HSD17B8: variants seen among roughly 807,000 people sequenced by gnomAD.
HSD17B8 encodes the protein (3R)-3-hydroxyacyl-CoA dehydrogenase.
HSD17B8 carries 23 observed loss-of-function variants against 33.2 expected under a neutral mutation model. That is an observed-to-expected ratio of 0.69 (90% CI 0.50 to 0.98). The LOEUF (loss-of-function observed/expected upper bound fraction) is 0.98. Ranked by LOEUF, HSD17B8 falls within the 50% of genes least tolerant of loss-of-function variation. The probability of loss-of-function intolerance (pLI) is 0.00; values close to 1 mark genes in which losing one functional copy is unlikely to be tolerated. For missense variants in HSD17B8, 345 were observed against 347.5 expected (o/e 0.99, Z 0.06); for synonymous variants, 137 against 138.6 (o/e 0.99, Z 0.08).
Position 33,206,522 on chromosome 6 carries a change from A to C in HSD17B8, c.769+73A>C. ...ACTATATGAGAAAGCAAGTAAGGGG[A>C]GTCTGGAGCCACTGGGAAGGGCAGA... On this transcript the variant is annotated intron_variant, in intron 8 of 8. Coordinates refer to ENST00000374662, the MANE Select transcript of HSD17B8 (RefSeq NM_014234.5). This position sits in a 1 kb window ranked among gnomAD's most constrained non-coding sequence, Gnocchi z 6.2. 8 of 1,561,306 alleles carry C rather than the reference A, an allele frequency of 5.1e-6. 1 individual carries two copies. In the South Asian group the frequency reaches 8.9e-5, roughly 17 times the overall value.
Position 33,205,088 on chromosome 6 carries a change from G to A in HSD17B8, c.239G>A (p.Arg80Lys). 1.3e-6 allele frequency: 2 copies of A among 1,566,722 alleles called. No individual in the cohort carries two copies. Among genetic ancestry groups the A allele is most frequent in the South Asian group, 1.2e-5 (1 of 83,162 alleles). The change falls in exon 2 of 9, where the codon AGG (arginine) becomes AAG (lysine). Residue 80 changes from arginine to lysine, a missense_variant. Arg to Lys is a conservative substitution (Grantham distance 26, BLOSUM62 2). Transcript: ENST00000374662. This position sits in a 1 kb window ranked among gnomAD's most constrained non-coding sequence, Gnocchi z 5.0. ...TTCCAGGCTGACGTGTCTGAGGCCA[G>A]GGCCGCCAGGTGCCTGCTGGAACAA... ...AAFQADVSEA[R>K]AARCLLEQVQ... is the part of the protein sequence containing the mutation.
chr6:33,204,906 G>C lies in HSD17B8; in HGVS notation c.57G>C (p.Ala19=), dbSNP rs1036445906. ...LRSALALVTG[A]GSGIGRAVSV... The stretch of plus-strand genomic sequence containing the variant: ...GCGTGTTCTGTCCTACCTCAGGTGC[G>C]GGGAGCGGCATCGGCCGAGCGGTCA... Residue 19 remains alanine, a synonymous_variant, in exon 2 of 9, where the codon GCG becomes GCC. Coordinates refer to ENST00000374662, the MANE Select transcript of HSD17B8 (RefSeq NM_014234.5). 3.6e-5 allele frequency: 53 copies of C among 1,466,954 alleles called. No individual in the cohort carries two copies. The highest frequency in any genetic ancestry group is 4.5e-5 in the Non-Finnish European group (50 of 1,109,520). The allele number at this position is 1,466,954 out of a possible 1,614,324, so 90.9% of individuals were successfully genotyped here. A position where few individuals can be genotyped will look rare whatever the true frequency, so the allele number is the denominator to read the frequency against.
chr6:33,206,489 G>A lies in HSD17B8; in HGVS notation c.769+40G>A. On this transcript the variant is annotated intron_variant, in intron 8 of 8. Transcript: ENST00000374662. This position sits in a 1 kb window ranked among gnomAD's most constrained non-coding sequence, Gnocchi z 6.2. ...TGGGGAGGGAGAGGGCAGAGAAGTA[G>A]AACCCAGACTATATGAGAAAGCAAG... 6.3e-7 allele frequency: 1 copy of A among 1,588,924 alleles called. No individual in the cohort carries two copies. Among genetic ancestry groups the A allele is most frequent in the Non-Finnish European group, 8.6e-7 (1 of 1,157,254 alleles).
Position 33,205,614 on chromosome 6 carries a change from A to G in HSD17B8, c.481-26A>G. 6.2e-7 allele frequency: 1 copy of G among 1,612,580 alleles called. No individual in the cohort carries two copies. The highest frequency in any genetic ancestry group is 8.5e-7 in the Non-Finnish European group (1 of 1,179,554). On this transcript the variant is annotated intron_variant, in intron 4 of 8. Transcript: ENST00000374662. This position sits in a 1 kb window ranked among gnomAD's most constrained non-coding sequence, Gnocchi z 5.0. The stretch of plus-strand genomic sequence containing the variant: ...AACCCCTCCTTGAGACTCCTGACTC[A>G]TTCCACATCTCTGACTCACCTATAG...
chr6:33,205,524 T>C lies in HSD17B8; in HGVS notation c.465T>C (p.Ser155=). The change falls in exon 4 of 9, where the codon AGT becomes AGC. Residue 155 remains serine (S), a synonymous_variant. Transcript: ENST00000374662. The surrounding 1 kb of genome is among the most constrained non-coding windows in gnomAD (Gnocchi z 5.0). ...GTCGTGGTTCCATCATCAACATCAG[T>C]AGCATCGTAGGAAAGGTCAGGTTGA... ...NGCRGSIINI[S]SIVGKVGNVG... is the part of the protein sequence containing the mutation. The C allele has an allele frequency of 2.5e-6, 4 of 1,612,952 alleles. No individual in the cohort carries two copies. In the Middle Eastern group the frequency reaches 4.9e-4, roughly 200 times the overall value.
At position 33,206,678 on chromosome 6, in the gene HSD17B8, G is replaced by A. The variant is rs1263884275; in HGVS notation, c.*24G>A. 6.2e-7 allele frequency: 1 copy of A among 1,612,776 alleles called. No individual in the cohort carries two copies. The highest frequency in any genetic ancestry group is 8.5e-7 in the Non-Finnish European group (1 of 1,178,846). On this transcript the variant is annotated 3_prime_UTR_variant, in exon 9 of 9. Transcript: ENST00000374662. The surrounding 1 kb of genome is among the most constrained non-coding windows in gnomAD (Gnocchi z 6.2). ...AACTGCCTCAAGGACCCTGGACTCT[G>A]CTCACCCCCCCACCACTCTGCCTGG... is the stretch of plus-strand genomic sequence containing the variant.
Position 33,206,578 on chromosome 6 carries a change from C to T in HSD17B8, c.770-60C>T. ...CCAAGGCCAGGGACAGAAGTGGGTA[C>T]CCCCTAGCCCATTTGTGTCTCCACC... On this transcript the variant is annotated intron_variant, in intron 8 of 8. Transcript: ENST00000374662. The surrounding 1 kb of genome is among the most constrained non-coding windows in gnomAD (Gnocchi z 6.2). The T allele has an allele frequency of 6.3e-7, 1 of 1,595,920 alleles. No homozygotes were observed. Among genetic ancestry groups the T allele is most frequent in the Admixed American group, 1.7e-5 (1 of 59,962 alleles).
In HSD17B8 at chr6:33,205,607, C is replaced by T; in HGVS notation, c.481-33C>T. On this transcript the variant is annotated intron_variant, in intron 4 of 8. Transcript: ENST00000374662. This position sits in a 1 kb window ranked among gnomAD's most constrained non-coding sequence, Gnocchi z 5.0. ...AGAGGAGAACCCCTCCTTGAGACTC[C>T]TGACTCATTCCACATCTCTGACTCA... 6.2e-7 allele frequency: 1 copy of T among 1,611,778 alleles called. No homozygotes were observed. The highest frequency in any genetic ancestry group is 8.5e-7 in the Non-Finnish European group (1 of 1,178,852).
Position 33,204,909 on chromosome 6 carries a change from G to A in HSD17B8, c.60G>A (p.Gly20=), listed in dbSNP as rs956937028. 1.2e-5 allele frequency: 17 copies of A among 1,465,664 alleles called. No homozygotes were observed. Among genetic ancestry groups the A allele is most frequent in the African/African-American group, 4.2e-5 (3 of 70,700 alleles). The allele number at this position is 1,465,664 out of a possible 1,614,324, so 90.8% of individuals were successfully genotyped here. ...TGTTCTGTCCTACCTCAGGTGCGGG[G>A]AGCGGCATCGGCCGAGCGGTCAGTG... is the stretch of plus-strand genomic sequence containing the variant. ...RSALALVTGA[G]SGIGRAVSVR... The change falls in exon 2 of 9, where the codon GGG becomes GGA. Residue 20 remains glycine (G), a synonymous_variant. Transcript: ENST00000374662.
At position 33,206,314 on chromosome 6, in the gene HSD17B8, A is replaced by G; in HGVS notation, c.695-61A>G. On this transcript the variant is annotated intron_variant, in intron 7 of 8. Coordinates refer to ENST00000374662, the MANE Select transcript of HSD17B8 (RefSeq NM_014234.5). The surrounding 1 kb of genome is among the most constrained non-coding windows in gnomAD (Gnocchi z 6.2). ...GGAGGGATGTCTTTGGTGGGAGATT[A>G]TGGCTGTTTTGGGTCTATGGGAGTG... 1 of 1,569,156 alleles carries G rather than the reference A, an allele frequency of 6.4e-7. No homozygotes were observed. Among genetic ancestry groups the G allele is most frequent in the East Asian group, 2.2e-5 (1 of 44,642 alleles).
At position 33,205,827 on chromosome 6, in the gene HSD17B8, G is replaced by C; in HGVS notation, c.567-1G>C. Reference sequence around the variant, plus strand: ...ATCGGCAGCCACTCTCCTTCCCACAGACATGGGATCCGCTGTAACTCTGTC... The same window carrying C: ...ATCGGCAGCCACTCTCCTTCCCACACACATGGGATCCGCTGTAACTCTGTC... On this transcript the variant is annotated splice_acceptor_variant, in intron 5 of 8. Coordinates refer to ENST00000374662, the MANE Select transcript of HSD17B8 (RefSeq NM_014234.5). LOFTEE classifies it high-confidence loss of function. The surrounding 1 kb of genome is among the most constrained non-coding windows in gnomAD (Gnocchi z 5.0). The C allele has an allele frequency of 6.2e-7, 1 of 1,612,682 alleles. No homozygotes were observed. Among genetic ancestry groups the C allele is most frequent in the South Asian group, 1.1e-5 (1 of 91,078 alleles).
At position 33,206,760 on chromosome 6, in the gene HSD17B8, G is replaced by A. The variant is rs1219695430; in HGVS notation, c.*106G>A. 220 of 1,197,378 alleles carry A rather than the reference G, an allele frequency of 1.8e-4. 2 individuals are homozygous for A. The highest frequency in any genetic ancestry group is 9.9e-6 in the Non-Finnish European group (8 of 804,694). The allele number at this position is 1,197,378 out of a possible 1,614,324, so 74.2% of individuals were successfully genotyped here. A position where few individuals can be genotyped will look rare whatever the true frequency, so the allele number is the denominator to read the frequency against. On this transcript the variant is annotated 3_prime_UTR_variant, in exon 9 of 9. Coordinates refer to ENST00000374662, the MANE Select transcript of HSD17B8 (RefSeq NM_014234.5). This position sits in a 1 kb window ranked among gnomAD's most constrained non-coding sequence, Gnocchi z 6.2. ...GATACAAAAGGGGTGGCAGTGTATG[G>A]TTCAGGAATGCTGAATATGGGAAGC... is the stretch of plus-strand genomic sequence containing the variant.
Position 33,206,066 on chromosome 6 carries a change from G to T in HSD17B8, c.652-68G>T. On this transcript the variant is annotated intron_variant, in intron 6 of 8. Transcript: ENST00000374662. This position sits in a 1 kb window ranked among gnomAD's most constrained non-coding sequence, Gnocchi z 6.2. ...TGTATGAGAAATGAAGACAAAAAAGGGTCACAGACTCAGTCTTCAAAAAAA... is the reference window on the plus strand; with the variant it reads ...TGTATGAGAAATGAAGACAAAAAAGTGTCACAGACTCAGTCTTCAAAAAAA... The T allele has an allele frequency of 6.5e-7, 1 of 1,542,162 alleles. No individual in the cohort carries two copies. Among genetic ancestry groups the T allele is most frequent in the Non-Finnish European group, 8.9e-7 (1 of 1,123,102 alleles).
chr6:33,205,417 CT>C lies in HSD17B8; in HGVS notation c.388-26del. The C allele has an allele frequency of 2.5e-6, 4 of 1,610,828 alleles. No individual in the cohort carries two copies. The highest frequency in any genetic ancestry group is 3.4e-6 in the Non-Finnish European group (4 of 1,177,886). On this transcript the variant is annotated intron_variant, in intron 3 of 8. Coordinates refer to ENST00000374662, the MANE Select transcript of HSD17B8 (RefSeq NM_014234.5). This position sits in a 1 kb window ranked among gnomAD's most constrained non-coding sequence, Gnocchi z 5.0. ...GAGGAGGGCTGTCACCCCAGCTGAT[CT>C]TTTCTCCCTTGTTACCCTTTCCCGC... is the stretch of plus-strand genomic sequence containing the variant.
At position 33,205,880 on chromosome 6, in the gene HSD17B8, A is replaced by C. The variant is rs1455640796; in HGVS notation, c.619A>C (p.Thr207Pro). The change falls in exon 6 of 9, where the codon ACA becomes CCA. Residue 207 changes from threonine (T) to proline (P), a missense_variant. By Grantham distance (38) the Thr-to-Pro change is conservative (BLOSUM62 -1). Transcript: ENST00000374662. The surrounding 1 kb of genome is among the most constrained non-coding windows in gnomAD (Gnocchi z 5.0). ...VLPGFIATPM[T>P]QKVPQKVVDK... ...CCCAGGGTTCATTGCAACACCCATG[A>C]CACAGAAAGTGCCACAGAAAGTGGT... 1.3e-5 allele frequency: 21 copies of C among 1,612,868 alleles called. No homozygotes were observed. The South Asian group carries it at 1.9e-4, about 14-fold the overall frequency.
rs1392519722 is a variant in HSD17B8, at chr6:33,204,689, C to G, written c.21C>G (p.Asn7Lys). The G allele has an allele frequency of 2.5e-6, 4 of 1,610,118 alleles. No individual in the cohort carries two copies. Among genetic ancestry groups the G allele is most frequent in the Non-Finnish European group, 3.4e-6 (4 of 1,178,500 alleles). MASQLQ[N>K]RLRSALALVT... ...CCGCCATGGCGTCTCAGCTCCAGAACCGACTCCGCTCCGCACTGGCCTTGG... is the reference window on the plus strand; with the variant it reads ...CCGCCATGGCGTCTCAGCTCCAGAAGCGACTCCGCTCCGCACTGGCCTTGG... The change falls in exon 1 of 9, where the codon AAC becomes AAG. Residue 7 changes from asparagine (N) to lysine (K), a missense_variant. Coordinates refer to ENST00000374662, the MANE Select transcript of HSD17B8 (RefSeq NM_014234.5).
chr6:33,204,742 G>A (rs1201667519), intron 1 of HSD17B8, 22 bp downstream of exon 1: 2 of 1,612,798 alleles, frequency 1.2e-6, no homozygotes, highest in South Asian at 1.1e-5. Context: ...TCTTTCCCCG[G>A]GCGGTTTGGG....
Position 33,206,683 on chromosome 6 carries a change from C to G in HSD17B8, c.*29C>G, listed in dbSNP as rs367760363. ...CCTCAAGGACCCTGGACTCTGCTCACCCCCCCACCACTCTGCCTGGCCTCC... is the reference window on the plus strand; with the variant it reads ...CCTCAAGGACCCTGGACTCTGCTCAGCCCCCCACCACTCTGCCTGGCCTCC... On this transcript the variant is annotated 3_prime_UTR_variant, in exon 9 of 9. Coordinates refer to ENST00000374662, the MANE Select transcript of HSD17B8 (RefSeq NM_014234.5). This position sits in a 1 kb window ranked among gnomAD's most constrained non-coding sequence, Gnocchi z 6.2. The G allele has an allele frequency of 6.2e-7, 1 of 1,606,412 alleles. No homozygotes were observed. The highest frequency in any genetic ancestry group is 1.1e-5 in the South Asian group (1 of 90,952).
chr6:33,206,402 C>T lies in HSD17B8; in HGVS notation c.722C>T (p.Ala241Val). 3.1e-6 allele frequency: 5 copies of T among 1,613,954 alleles called. No homozygotes were observed. The highest frequency in any genetic ancestry group is 4.2e-6 in the Non-Finnish European group (5 of 1,180,000). ...EDVADVVAFL[A>V]SEDSGYITGT... Reference sequence around the variant, plus strand: ...GTGGCAGATGTGGTCGCATTCTTGGCATCTGAAGATAGTGGATACATCACA... The same window carrying T: ...GTGGCAGATGTGGTCGCATTCTTGGTATCTGAAGATAGTGGATACATCACA... The change falls in exon 8 of 9, where the codon GCA becomes GTA. Residue 241 changes from alanine to valine, a missense_variant. Physicochemically the swap from Ala to Val is moderately conservative, Grantham distance 64. Coordinates refer to ENST00000374662, the MANE Select transcript of HSD17B8 (RefSeq NM_014234.5). The surrounding 1 kb of genome is among the most constrained non-coding windows in gnomAD (Gnocchi z 6.2).
Sources: allele counts gnomAD v4.1 joint callset, GRCh38; gene constraint gnomAD v4.1.1; non-coding constraint Gnocchi (gnomAD v3.1); transcripts MANE v1.5; gene names NCBI Gene and HGNC (gene_info 2026-07-23, HGNC 2026-07-21).